Variants in FRMD3 observed in about 807,000 individuals in gnomAD.
FRMD3 encodes the protein FERM domain-containing protein 3.
In FRMD3, 33 loss-of-function variants were observed where a neutral mutation model predicts 70.2. The observed-to-expected ratio is 0.47, with a 90% CI of 0.36 to 0.63. The LOEUF is 0.63. Ranked by LOEUF, FRMD3 falls within the 20% of genes least tolerant of loss-of-function variation. The probability of loss-of-function intolerance (pLI) is 0.00; values close to 1 mark genes in which losing one functional copy is unlikely to be tolerated. For missense variants in FRMD3, 632 were observed against 711.4 expected (o/e 0.89, Z 1.27); for synonymous variants, 279 against 255.9 (o/e 1.09, Z -0.86).
At chr9:83,460,465 G>C (rs1370078150) in intron 1 of FRMD3, among the ~76,000 whole-genome samples, 2 of 152,020 alleles carry the variant, frequency 1.3e-5, no homozygotes, top group Non-Finnish European at 2.9e-5. Context: ...CCTATTACAA[G>C]CCCAGATCCT....
At chr9:83,533,100 C>T (rs1460252737) in intron 1 of FRMD3, among the ~76,000 whole-genome samples, 1 of 152,192 alleles carries the variant, frequency 6.6e-6, no homozygotes, top group Admixed American at 6.5e-5. Context: ...TACTCTTTTA[C>T]TTGCAGCCAA....
intron 13 of FRMD3, among the ~76,000 whole-genome samples, chr9:83,266,177 G>C (rs1679676808): frequency 6.6e-6 from 1 of 151,310 alleles, no homozygotes; most frequent in African/African-American, 2.4e-5. Flanking sequence ...AGTATTCATA[G>C]ATCAACTATT....
At chr9:83,400,794 A>T (rs1385948669) in intron 1 of FRMD3, among the ~76,000 whole-genome samples, 1 of 152,236 alleles carries the variant, frequency 6.6e-6, no homozygotes, top group Non-Finnish European at 1.5e-5. Flanking sequence ...TTTTTAAGTT[A>T]TCCTGACCAC....
intron 4 of FRMD3, among the ~76,000 whole-genome samples, chr9:83,344,507 C>A (rs1027025289): frequency 1.3e-5 from 2 of 152,174 alleles, no homozygotes; most frequent in Non-Finnish European, 2.9e-5. Context: ...TGTGAGTGGA[C>A]CTCATGCAAT....
intron 1 of FRMD3, among the ~76,000 whole-genome samples, chr9:83,517,925 T>C (rs145788436): frequency 8.7e-4 from 133 of 152,318 alleles, no homozygotes; most frequent in African/African-American, 3.1e-3. Flanking sequence ...AGGTCTTTGA[T>C]AAAATTCAAC....
chr9:83,357,270 TATATATATATATATATATATATATATA>T (rs1824420070), intron 3 of FRMD3, among the ~76,000 whole-genome samples: 1 of 64,528 alleles, frequency 1.5e-5, no homozygotes, highest in Admixed American at 1.7e-4. Context: ...TATATATATA[TATATATATATATATATATATATATATA>T]AAACATTTTC....
At chr9:83,345,158 T>A (rs933638912) in intron 4 of FRMD3, among the ~76,000 whole-genome samples, 15 of 152,156 alleles carry the variant, frequency 9.9e-5, no homozygotes, top group Non-Finnish European at 1.8e-4. Context: ...AACATCTGCT[T>A]TATGCTGTGC....
chr9:83,544,247 T>C, the FRMD3 span, among the ~76,000 whole-genome samples: 2 of 152,142 alleles, frequency 1.3e-5, no homozygotes, highest in Non-Finnish European at 2.9e-5. Flanking sequence ...AGAGGCATGA[T>C]AGGGAAGAAG....
intron 1 of FRMD3, among the ~76,000 whole-genome samples, chr9:83,420,948 T>C (rs1826619019): frequency 7.1e-6 from 1 of 141,594 alleles, no homozygotes; most frequent in Non-Finnish European, 1.5e-5. Context: ...TTTTTTTTTT[T>C]TTTTTTTTTT....
intron 1 of FRMD3, among the ~76,000 whole-genome samples, chr9:83,391,157 T>C (rs576146637): frequency 5.9e-5 from 9 of 152,348 alleles, no homozygotes; most frequent in Non-Finnish European, 1.3e-4. Context: ...TTGAGTTTGA[T>C]TTTGAATAAG....
chr9:83,289,935 ATAT>A (rs1237780946), intron 13 of FRMD3, among the ~76,000 whole-genome samples: 2 of 152,222 alleles, frequency 1.3e-5, no homozygotes, highest in Non-Finnish European at 2.9e-5. Flanking sequence ...AGAAACACAC[ATAT>A]TATTATTATC....
At chr9:83,361,955 C>A (rs1403233815) in intron 3 of FRMD3, among the ~76,000 whole-genome samples, 1 of 152,214 alleles carries the variant, frequency 6.6e-6, no homozygotes, top group Non-Finnish European at 1.5e-5. Context: ...CTGCTGACAA[C>A]TTGGTTTCAG....
rs537765626 is a variant in FRMD3 at position 83,247,024 on chromosome 9, T to G, written c.*894A>C. 3.0e-6 allele frequency: 3 copies of G among 985,430 alleles called. No individual in the cohort carries two copies. Among genetic ancestry groups the G allele is most frequent in the Admixed American group, 1.2e-4 (2 of 16,288 alleles). 61.0% of individuals were successfully genotyped at this position (985,430 alleles called of 1,614,324 possible). On this transcript the variant is annotated 3_prime_UTR_variant, in exon 14 of 14. Coordinates refer to ENST00000304195, the MANE Select transcript of FRMD3 (RefSeq NM_174938.6). ...TGACTAGCACATCTGTTACCTTTTT[T>G]CCTTTAAACTCTCACTTTCTTTTTA... is the stretch of plus-strand genomic sequence containing the variant.
the FRMD3 span, among the ~76,000 whole-genome samples, chr9:83,572,804 G>C: frequency 6.6e-6 from 1 of 152,200 alleles, no homozygotes; most frequent in Non-Finnish European, 1.5e-5. Flanking sequence ...AGAAAAGCCA[G>C]AGATTTGGCT....
rs1326170672 is a variant in FRMD3, at chr9:83,512,486, T to TA, written c.147+25598dup. The stretch of plus-strand genomic sequence containing the variant: ...TCACATAGTGTGTGTCTTGGGGCAT[T>TA]AAAACTTTGTTGATTTAGTTAATGG... On this transcript the variant is annotated intron_variant, in intron 1 of 13. Transcript: ENST00000304195. 3.9e-5 allele frequency among the ~76,000 whole-genome samples: 6 copies of TA among 152,294 alleles called. No individual in the cohort carries two copies. In the East Asian group the frequency reaches 1.2e-3, roughly 29 times the overall value.
At chr9:83,285,847 G>A (rs1375627909) in intron 13 of FRMD3, among the ~76,000 whole-genome samples, 2 of 152,138 alleles carry the variant, frequency 1.3e-5, no homozygotes, top group African/African-American at 4.8e-5. Flanking sequence ...ATTCTCATAA[G>A]CTCTAAGTGG....
At chr9:83,259,762 G>A (rs983323535) in intron 13 of FRMD3, among the ~76,000 whole-genome samples, 6 of 152,158 alleles carry the variant, frequency 3.9e-5, no homozygotes, top group African/African-American at 1.2e-4. Context: ...ATGTCTCATA[G>A]TTGTTACTAA....
chr9:83,448,476 C>T (rs1283643075), intron 1 of FRMD3, among the ~76,000 whole-genome samples: 1 of 152,204 alleles, frequency 6.6e-6, no homozygotes, highest in East Asian at 1.9e-4. Context: ...CAGGTGGCAC[C>T]GGGCAAGTGG....
Position 83,247,992 on chromosome 9 carries a change from CA to C in FRMD3, c.1719del (p.Tyr573Ter), listed in dbSNP as rs1215200928. On this transcript the variant is annotated frameshift_variant, in exon 14 of 14. Transcript: ENST00000304195. LOFTEE classifies it high-confidence loss of function. Reference sequence around the variant, plus strand: ...CACTCCTTGAGGGGACAGTAGTATTCATAGTGAAACTGCTCAAACTCTGGTG... The same window carrying C: ...CACTCCTTGAGGGGACAGTAGTATTCTAGTGAAACTGCTCAAACTCTGGTG... ...RQTPEFEQFHYEYYCPLKEWV... is the reference protein window; with the variant it reads ...RQTPEFEQFHXEYYCPLKEWV... 1 of 1,614,050 alleles carries C rather than the reference CA, an allele frequency of 6.2e-7. No homozygotes were observed. Among genetic ancestry groups the C allele is most frequent in the Non-Finnish European group, 8.5e-7 (1 of 1,180,040 alleles).
Sources: allele counts gnomAD v4.1 joint callset (sites outside exome capture counted in the v4.1 genomes callset), GRCh38; gene constraint gnomAD v4.1.1; transcripts MANE v1.5; gene names NCBI Gene and HGNC (gene_info 2026-07-23, HGNC 2026-07-21).